Variants in SOX6 observed in about 807,000 individuals in gnomAD.
SOX6 encodes transcription factor SOX-6.
SOX6 carries 11 observed loss-of-function variants against 97.8 expected under a neutral mutation model. That is an observed-to-expected ratio of 0.11 (90% CI 0.07 to 0.19). SOX6 has a LOEUF of 0.19. Ranked by LOEUF, SOX6 falls within the 10% of genes least tolerant of loss-of-function variation. The pLI, the probability that SOX6 is intolerant of heterozygous loss-of-function variation, is 1.00. For synonymous variants in SOX6, 360 were observed against 371.4 expected (o/e 0.97, Z 0.35); for missense variants, 810 against 1,039.5 (o/e 0.78, Z 3.04).
chr11:16,642,137 A>G (rs1157397164), intron 3 of SOX6, among the ~76,000 whole-genome samples: 1 of 152,120 alleles, frequency 6.6e-6, no homozygotes. Context: ...GCTTGTCTGT[A>G]AAGTATTTTA....
chr11:16,634,776 A>G lies in SOX6; in HGVS notation n.430-22516T>C, dbSNP rs192322776. ...TTGGCTGTATCTCCACCCAAATCTG[A>G]TCTTGAACTGTAGTTCCCATAATCC... On this transcript the variant is annotated intron_variant and non_coding_transcript_variant, in intron 3 of 5. Coordinates refer to the SOX6 transcript ENST00000524520. 9.7e-4 allele frequency among the ~76,000 whole-genome samples: 147 copies of G among 152,172 alleles called. 2 individuals are homozygous for G. The highest frequency in any genetic ancestry group is 2.5e-3 in the Admixed American group (38 of 15,272).
rs573910990 is a variant in SOX6 at position 16,576,666 on chromosome 11, A to C, written n.609+35415T>G. 6.6e-5 allele frequency among the ~76,000 whole-genome samples: 10 copies of C among 152,336 alleles called. No homozygotes were observed. The East Asian group carries it at 1.9e-3, about 29-fold the overall frequency. Reference sequence around the variant, plus strand: ...GAAATAAAGTTATAAGGGATTTTAAAGGAACTATAATATGAAGACTTGGAG... The same window carrying C: ...GAAATAAAGTTATAAGGGATTTTAACGGAACTATAATATGAAGACTTGGAG... On this transcript the variant is annotated intron_variant and non_coding_transcript_variant, in intron 4 of 5. Coordinates refer to the SOX6 transcript ENST00000524520.
At chr11:16,693,939 G>A (rs1848034278) in intron 3 of SOX6, among the ~76,000 whole-genome samples, 1 of 151,992 alleles carries the variant, frequency 6.6e-6, no homozygotes, top group Admixed American at 6.6e-5. Context: ...TAGTTTTTAG[G>A]TCCTAAAAAA....
chr11:16,702,703 C>T (rs1564872619), intron 3 of SOX6, among the ~76,000 whole-genome samples: 1 of 152,044 alleles, frequency 6.6e-6, no homozygotes, highest in Admixed American at 6.6e-5. Flanking sequence ...TTTGAAAACT[C>T]CCCATTCCAA....
intron 13 of SOX6, among the ~76,000 whole-genome samples, chr11:15,996,805 C>T (rs991155947): frequency 2.0e-5 from 3 of 151,816 alleles, no homozygotes; most frequent in African/African-American, 7.3e-5. Flanking sequence ...AAGACCTAAG[C>T]CCAACAGATT....
intron 1 of SOX6, among the ~76,000 whole-genome samples, chr11:16,349,299 A>G (rs1407750705): frequency 6.6e-6 from 1 of 152,070 alleles, no homozygotes; most frequent in Non-Finnish European, 1.5e-5. Flanking sequence ...TTCCATCAAT[A>G]ATGTCATTTT....
chr11:16,497,711 G>C (rs541416789), intron 4 of SOX6, among the ~76,000 whole-genome samples: 3 of 150,798 alleles, frequency 2.0e-5, no homozygotes, highest in Non-Finnish European at 1.5e-5. Flanking sequence ...GGAAGAAAGG[G>C]AATCAGTGAT....
chr11:16,595,624 A>C (rs891259644), intron 4 of SOX6, among the ~76,000 whole-genome samples: 3 of 145,884 alleles, frequency 2.1e-5, no homozygotes, highest in African/African-American at 7.5e-5. Context: ...AAAAAAAAAA[A>C]ATTAGCCAGG....
At chr11:16,338,085 T>TGAG (rs1253520674) in intron 2 of SOX6, among the ~76,000 whole-genome samples, 1 of 152,044 alleles carries the variant, frequency 6.6e-6, no homozygotes, top group Admixed American at 6.6e-5. Context: ...AGTTCATGAA[T>TGAG]GAGGGCCATG....
chr11:16,497,949 T>C (rs1860633365), intron 4 of SOX6, among the ~76,000 whole-genome samples: 1 of 152,068 alleles, frequency 6.6e-6, no homozygotes, highest in African/African-American at 2.4e-5. Flanking sequence ...AACATTCACA[T>C]TCAGGAAATA....
intron 6 of SOX6, among the ~76,000 whole-genome samples, chr11:16,112,670 C>G (rs1048400153): frequency 3.9e-5 from 6 of 152,024 alleles, no homozygotes; most frequent in Admixed American, 2.6e-4. Flanking sequence ...ACAAAAAATG[C>G]AAAATAGAAA....
chr11:16,531,327 C>A (rs73435556), intron 4 of SOX6, among the ~76,000 whole-genome samples: 3,794 of 151,528 alleles, frequency 0.025, 149 homozygotes, highest in African/African-American at 0.087. Context: ...TATTAAAATG[C>A]CCCCATTTGA....
At chr11:16,529,357 T>G (rs1169500597) in intron 4 of SOX6, among the ~76,000 whole-genome samples, 1 of 152,104 alleles carries the variant, frequency 6.6e-6, no homozygotes, top group African/African-American at 2.4e-5. Flanking sequence ...AGTGATACAG[T>G]ACATTACTAC....
chr11:16,731,176 G>T (rs1848346679), intron 2 of SOX6, among the ~76,000 whole-genome samples: 1 of 152,110 alleles, frequency 6.6e-6, no homozygotes, highest in African/African-American at 2.4e-5. Context: ...GATACAAAGG[G>T]GAGCTGGTAC....
At chr11:15,980,158 C>T (rs10734238) in intron 15 of SOX6, among the ~76,000 whole-genome samples, 48,682 of 151,882 alleles carry the variant, frequency 0.32, 9,397 homozygotes, top group Non-Finnish European at 0.43. Flanking sequence ...TGGTTATTCT[C>T]ATAAATAAAG....
chr11:16,599,546 G>C (rs1424225417), intron 4 of SOX6, among the ~76,000 whole-genome samples: 1 of 152,044 alleles, frequency 6.6e-6, no homozygotes, highest in Non-Finnish European at 1.5e-5. Flanking sequence ...AGTTTCAATT[G>C]ATTGTTGTTC....
intron 3 of SOX6, among the ~76,000 whole-genome samples, chr11:16,295,995 T>A (rs1855072837): frequency 6.6e-6 from 1 of 152,110 alleles, no homozygotes; most frequent in South Asian, 2.1e-4. Flanking sequence ...ACTAAAATTA[T>A]CTAGTCCTGG....
intron 6 of SOX6, among the ~76,000 whole-genome samples, chr11:16,132,335 GAAAAAA>G (rs1849781262): frequency 1.5e-5 from 1 of 65,042 alleles, no homozygotes; most frequent in Admixed American, 1.8e-4. Context: ...AGGAAGGAAA[GAAAAAA>G]GAAAGAAAGA....
At chr11:16,132,399 AAAAAAGAAAG>A (rs1849806579) in intron 6 of SOX6, among the ~76,000 whole-genome samples, 4 of 63,834 alleles carry the variant, frequency 6.3e-5, no homozygotes, top group South Asian at 5.1e-4. Context: ...AGAAAGAAAG[AAAAAAGAAAG>A]AAAGAAAGAA....
Sources: gnomAD v4.1 joint callset for allele counts (sites outside exome capture counted in the v4.1 genomes callset) on GRCh38, gnomAD v4.1.1 for gene constraint, MANE v1.5 for transcripts, NCBI Gene and HGNC (gene_info 2026-07-23, HGNC 2026-07-21) for gene names.